MMP26: variants seen among roughly 807,000 people sequenced by gnomAD.
MMP26 encodes the protein matrix metalloproteinase-26.
Under a neutral mutation model 31.0 loss-of-function variants are expected in MMP26, and 33 were observed. That is an observed-to-expected ratio of 1.06 (90% CI 0.81 to 1.42). The LOEUF (loss-of-function observed/expected upper bound fraction) is 1.42. MMP26 is among the 40% of genes most tolerant of loss of function. The probability of loss-of-function intolerance (pLI) is 0.00; values close to 1 mark genes in which losing one functional copy is unlikely to be tolerated. For missense variants in MMP26, 347 were observed against 316.1 expected (o/e 1.10, Z -0.74); for synonymous variants, 122 against 114.9 (o/e 1.06, Z -0.40).
chr11:4,767,803 T>C (rs1223863827), intron 2 of MMP26, among the ~76,000 whole-genome samples: 1 of 152,192 alleles, frequency 6.6e-6, no homozygotes, highest in Non-Finnish European at 1.5e-5. Context: ...CTTCCACCTA[T>C]CACTATTTTT....
At chr11:4,937,003 T>G (rs113838244) in intron 2 of MMP26, among the ~76,000 whole-genome samples, 2,845 of 152,326 alleles carry the variant, frequency 0.019, 35 homozygotes, top group Middle Eastern at 0.037. Flanking sequence ...CTAGGCATTT[T>G]TTTGCTACGG....
intron 2 of MMP26, chr11:4,914,880 C>T (rs766570358): frequency 6.2e-7 from 1 of 1,613,972 alleles, no homozygotes; most frequent in Non-Finnish European, 8.5e-7. Context: ...ACAGAGAGGC[C>T]AATCATGGGA....
intron 1 of MMP26, among the ~76,000 whole-genome samples, chr11:4,740,640 A>C (rs1848299872): frequency 6.6e-6 from 1 of 151,116 alleles, no homozygotes; most frequent in South Asian, 2.1e-4. Context: ...CCGAGATTGC[A>C]CCACTGCACT....
intron 2 of MMP26, chr11:4,924,084 T>G: frequency 1.2e-6 from 2 of 1,614,018 alleles, no homozygotes; most frequent in Non-Finnish European, 1.7e-6. Flanking sequence ...AACCAGAAAA[T>G]GCCCAGCACA....
intron 2 of MMP26, among the ~76,000 whole-genome samples, chr11:4,825,257 C>T (rs1301588913): frequency 6.6e-6 from 1 of 152,250 alleles, no homozygotes; most frequent in East Asian, 1.9e-4. Context: ...ACTCAAATGT[C>T]AACATTCCAG....
At chr11:4,928,072 G>A (rs1199337373) in intron 2 of MMP26, among the ~76,000 whole-genome samples, 3 of 152,030 alleles carry the variant, frequency 2.0e-5, no homozygotes, top group African/African-American at 7.2e-5. Flanking sequence ...GAGAGAGAGA[G>A]AGAATTCAGA....
intron 2 of MMP26, among the ~76,000 whole-genome samples, chr11:4,898,786 A>G (rs946288987): frequency 6.6e-6 from 1 of 151,172 alleles, no homozygotes; most frequent in Non-Finnish European, 1.5e-5. Context: ...TCTTTAAATT[A>G]GAGTTTATTA....
chr11:4,952,572 A>G lies in MMP26; in HGVS notation c.-144-35496A>G, dbSNP rs1268045444. 1.9e-4 allele frequency among the ~76,000 whole-genome samples: 24 copies of G among 125,480 alleles called. 5 individuals are homozygous for G. The highest frequency in any genetic ancestry group is 5.9e-4 in the African/African-American group (22 of 37,016). 82.3% of individuals were successfully genotyped at this position (125,480 alleles called of 152,430 possible). A position where few individuals can be genotyped will look rare whatever the true frequency, so the allele number is the denominator to read the frequency against. On this transcript the variant is annotated intron_variant, in intron 2 of 7. Coordinates refer to ENST00000380390, the MANE Select transcript of MMP26 (RefSeq NM_021801.5). ...TATACTAGGACAGGTTTGTGAAAAC[A>G]TATGTAGTTCTGAATTTAAAAACTA... is the stretch of plus-strand genomic sequence containing the variant.
intron 2 of MMP26, among the ~76,000 whole-genome samples, chr11:4,934,007 TA>T (rs1189602716): frequency 2.1e-5 from 3 of 144,974 alleles, no homozygotes; most frequent in Admixed American, 7.0e-5. Flanking sequence ...AAGTCTTTGC[TA>T]TTGTGAATAA....
At chr11:4,990,882 C>A in intron 5 of MMP26, 136 bp downstream of exon 5, 2 of 828,172 alleles carry the variant, frequency 2.4e-6, no homozygotes, top group Non-Finnish European at 3.6e-6. Context: ...TACTGCAAAG[C>A]AAATCCTGTA....
At chr11:4,746,862 C>T (rs1194206629) in intron 1 of MMP26, among the ~76,000 whole-genome samples, 1 of 151,646 alleles carries the variant, frequency 6.6e-6, no homozygotes, top group Non-Finnish European at 1.5e-5. Flanking sequence ...CACACACACA[C>T]ACACACACAC....
intron 2 of MMP26, among the ~76,000 whole-genome samples, chr11:4,959,978 C>G (rs138831658): frequency 4.6e-5 from 7 of 152,256 alleles, no homozygotes; most frequent in African/African-American, 1.7e-4. Flanking sequence ...GCTGTTACAC[C>G]TGTGACCACT....
At chr11:4,831,193 G>A (rs1021515198) in intron 2 of MMP26, among the ~76,000 whole-genome samples, 18 of 152,088 alleles carry the variant, frequency 1.2e-4, no homozygotes, top group African/African-American at 4.3e-4. Flanking sequence ...TTGCCAAGAT[G>A]TGCTCAGAGA....
intron 2 of MMP26, among the ~76,000 whole-genome samples, chr11:4,799,376 G>T (rs530003744): frequency 3.3e-5 from 5 of 151,852 alleles, no homozygotes; most frequent in Non-Finnish European, 7.4e-5. Flanking sequence ...GAAGGGGGGG[G>T]TCTCAGGCTC....
chr11:4,937,563 A>G (rs1846143014), intron 2 of MMP26: 1 of 152,924 alleles, frequency 6.5e-6, no homozygotes, highest in Non-Finnish European at 1.5e-5. Context: ...CACAGATGTG[A>G]GAGATGCACG....
At chr11:4,750,041 T>A (rs769741337) in intron 1 of MMP26, among the ~76,000 whole-genome samples, 23 of 152,028 alleles carry the variant, frequency 1.5e-4, no homozygotes, top group Admixed American at 6.6e-4. Context: ...ATCTAACAAA[T>A]GACTAATATT....
intron 1 of MMP26, among the ~76,000 whole-genome samples, chr11:4,759,790 GT>G (rs1848549528): frequency 6.6e-6 from 1 of 152,186 alleles, no homozygotes; most frequent in Non-Finnish European, 1.5e-5. Context: ...AATGTCACCA[GT>G]TTGCACATGC....
At chr11:4,966,226 A>G (rs546784582) in intron 2 of MMP26, among the ~76,000 whole-genome samples, 215 of 152,288 alleles carry the variant, frequency 1.4e-3, no homozygotes, top group Non-Finnish European at 1.9e-3. Flanking sequence ...ACAAATACAG[A>G]AGGAAAAGGA....
At chr11:4,991,523 T>C in intron 6 of MMP26, 27 bp downstream of exon 6, 1 of 1,608,284 alleles carries the variant, frequency 6.2e-7, no homozygotes, top group Non-Finnish European at 8.5e-7. Context: ...GTGGGATCGC[T>C]AGAACTCTCT....
Sources: gnomAD v4.1 joint callset for allele counts (sites outside exome capture counted in the v4.1 genomes callset) on GRCh38, gnomAD v4.1.1 for gene constraint, MANE v1.5 for transcripts, NCBI Gene and HGNC (gene_info 2026-07-23, HGNC 2026-07-21) for gene names.